Variants in FAM227B observed in about 807,000 individuals in gnomAD.
FAM227B encodes the protein protein FAM227B.
FAM227B carries 88 observed loss-of-function variants against 73.8 expected under a neutral mutation model. The observed-to-expected ratio is 1.19, with a 90% CI of 1.00 to 1.42. The LOEUF (loss-of-function observed/expected upper bound fraction) is 1.42. Among genes scored for constraint, FAM227B ranks in the 40% most tolerant of loss-of-function variants. The pLI is 0.00. For missense variants in FAM227B, 632 were observed against 590.9 expected (o/e 1.07, Z -0.72); for synonymous variants, 210 against 190.5 (o/e 1.10, Z -0.84).
intron 10 of FAM227B, among the ~76,000 whole-genome samples, chr15:49,512,173 G>T (rs572466840): frequency 2.0e-5 from 3 of 152,012 alleles, no homozygotes; most frequent in Non-Finnish European, 2.9e-5. Context: ...CCTATTTTTT[G>T]ATCATAGTTT....
intron 13 of FAM227B, among the ~76,000 whole-genome samples, chr15:49,354,333 AC>A (rs1385073539): frequency 1.3e-5 from 2 of 152,120 alleles, no homozygotes; most frequent in African/African-American, 4.8e-5. Context: ...CATCTGAGGT[AC>A]CGGGTTCATC....
intron 11 of FAM227B, among the ~76,000 whole-genome samples, chr15:49,386,271 TAA>T: frequency 6.9e-6 from 1 of 145,398 alleles, no homozygotes; most frequent in African/African-American, 2.5e-5. Flanking sequence ...CTCAATAAAT[TAA>T]AAAAAAAAAT....
chr15:49,616,754 T>C (rs555023667), intron 1 of FAM227B, among the ~76,000 whole-genome samples: 1 of 152,340 alleles, frequency 6.6e-6, no homozygotes, highest in Admixed American at 6.5e-5. Flanking sequence ...AGCTATTCTA[T>C]TACTTCTTAA....
At chr15:49,524,394 C>T (rs781181851) in intron 10 of FAM227B, among the ~76,000 whole-genome samples, 1 of 152,144 alleles carries the variant, frequency 6.6e-6, no homozygotes, top group Non-Finnish European at 1.5e-5. Context: ...TGCAGGTGCA[C>T]AGAAGTCAAG....
At chr15:49,532,621 T>C (rs1033290628) in intron 10 of FAM227B, among the ~76,000 whole-genome samples, 2 of 151,738 alleles carry the variant, frequency 1.3e-5, no homozygotes, top group Non-Finnish European at 2.9e-5. Flanking sequence ...CATATCTTCT[T>C]AAAAAAGAGC....
At chr15:49,613,227 C>G (rs1318484553) in intron 2 of FAM227B, among the ~76,000 whole-genome samples, 1 of 151,960 alleles carries the variant, frequency 6.6e-6, no homozygotes, top group Non-Finnish European at 1.5e-5. Context: ...CAAAACAAAA[C>G]AGAGTGGCCA....
rs555629508 is a variant in FAM227B, at chr15:49,524,772, G to T, written c.875-16424C>A. On this transcript the variant is annotated intron_variant, in intron 10 of 15. Coordinates refer to ENST00000299338, the MANE Select transcript of FAM227B (RefSeq NM_152647.3). ...CTGTGGAAGTCCACCTCTTGCATCA[G>T]TGTGACCTGGATGTGAGACATGGAG... Among the ~76,000 whole-genome samples, 4 of 152,356 alleles carry T rather than the reference G, an allele frequency of 2.6e-5. No homozygotes were observed. The South Asian group carries it at 8.3e-4, about 32-fold the overall frequency.
At chr15:49,503,705 G>A (rs2058341688) in intron 11 of FAM227B, among the ~76,000 whole-genome samples, 1 of 152,066 alleles carries the variant, frequency 6.6e-6, no homozygotes, top group Non-Finnish European at 1.5e-5. Flanking sequence ...CCAGAGAAAT[G>A]CAAATCAAAA....
intron 8 of FAM227B, among the ~76,000 whole-genome samples, chr15:49,573,503 G>A (rs936505022): frequency 6.6e-6 from 1 of 152,122 alleles, no homozygotes; most frequent in East Asian, 1.9e-4. Context: ...GGAGGTGTTT[G>A]GGTCTTGGGG....
intron 11 of FAM227B, among the ~76,000 whole-genome samples, chr15:49,416,924 T>C (rs1021276535): frequency 2.0e-5 from 3 of 152,206 alleles, no homozygotes; most frequent in Admixed American, 1.3e-4. Context: ...TCCATGTTCA[T>C]GGATAGGAAG....
chr15:49,367,032 A>G (rs922401295), intron 13 of FAM227B, among the ~76,000 whole-genome samples: 1 of 152,168 alleles, frequency 6.6e-6, no homozygotes, highest in Non-Finnish European at 1.5e-5. Flanking sequence ...TGTGTAAAAA[A>G]TGTTCTGATA....
Position 49,589,962 on chromosome 15 carries a change from A to C in FAM227B, c.151T>G (p.Ser51Ala), listed in dbSNP as rs2076424693. 1 of 1,607,948 alleles carries C rather than the reference A, an allele frequency of 6.2e-7. No homozygotes were observed. The highest frequency in any genetic ancestry group is 1.3e-5 in the African/African-American group (1 of 74,782). The change falls in exon 4 of 16, where the codon TCA (serine) becomes GCA (alanine). Residue 51 changes from serine (S) to alanine (A), a missense_variant. Transcript: ENST00000299338. ...TCTTTTATTTTTTTCAGAGTGCATG[A>C]CCATTTATCATCATCTCTAAAATGG... is the stretch of plus-strand genomic sequence containing the variant. ...EIHFRDDDKW[S>A]CTLKKIKEDS...
chr15:49,340,358 G>A (rs1390834520), intron 13 of FAM227B, among the ~76,000 whole-genome samples: 1 of 151,882 alleles, frequency 6.6e-6, no homozygotes, highest in African/African-American at 2.4e-5. Context: ...GGGTGGGAGA[G>A]GGAGTTCCCC....
At chr15:49,484,432 G>T (rs775868094) in intron 11 of FAM227B, 26 of 1,590,860 alleles carry the variant, frequency 1.6e-5, no homozygotes, top group Non-Finnish European at 2.0e-5. Flanking sequence ...ATCAAAAGGG[G>T]ATTCCTGTAA....
At chr15:49,587,318 T>C (rs1308051557) in intron 5 of FAM227B, among the ~76,000 whole-genome samples, 1 of 152,008 alleles carries the variant, frequency 6.6e-6, no homozygotes, top group Non-Finnish European at 1.5e-5. Flanking sequence ...CAACAGACAC[T>C]GGGGCCTATT....
chr15:49,534,555 A>T (rs1271137029), intron 10 of FAM227B, among the ~76,000 whole-genome samples: 1 of 81,442 alleles, frequency 1.2e-5, no homozygotes, highest in Non-Finnish European at 2.9e-5. Flanking sequence ...TCAACACTGG[A>T]TAAATTAAGA....
At chr15:49,597,309 T>C (rs1355085832) in intron 3 of FAM227B, among the ~76,000 whole-genome samples, 3 of 151,788 alleles carry the variant, frequency 2.0e-5, no homozygotes, top group Non-Finnish European at 2.9e-5. Context: ...GGAAATCCAC[T>C]CCAGAAAGAA....
At chr15:49,465,550 G>T (rs1472971245) in intron 11 of FAM227B, among the ~76,000 whole-genome samples, 1 of 151,634 alleles carries the variant, frequency 6.6e-6, no homozygotes, top group Non-Finnish European at 1.5e-5. Flanking sequence ...GTTGCATGTT[G>T]AAAATATAAA....
intron 13 of FAM227B, among the ~76,000 whole-genome samples, chr15:49,362,682 A>C (rs959877540): frequency 1.3e-5 from 2 of 152,122 alleles, no homozygotes; most frequent in Non-Finnish European, 2.9e-5. Flanking sequence ...CATCTTTATC[A>C]TGAAATCTTT....
Sources: gnomAD v4.1 joint callset for allele counts (sites outside exome capture counted in the v4.1 genomes callset) on GRCh38, gnomAD v4.1.1 for gene constraint, MANE v1.5 for transcripts, NCBI Gene and HGNC (gene_info 2026-07-23, HGNC 2026-07-21) for gene names.